The following GPC6 variants were observed in gnomAD, a reference collection of about 807,000 sequenced individuals.
GPC6 encodes glypican-6.
A neutral mutation model predicts 55.2 loss-of-function variants in GPC6; 14 were observed. That is an observed-to-expected ratio of 0.25 (90% confidence interval 0.17 to 0.40). GPC6 has a LOEUF of 0.40. Ranked by LOEUF, GPC6 falls within the 10% of genes least tolerant of loss-of-function variation. GPC6 has a pLI of 1.00. For missense variants in GPC6, 641 were observed against 708.5 expected (o/e 0.90, Z 1.08); for synonymous variants, 278 against 259.6 (o/e 1.07, Z -0.68).
intron 4 of GPC6, among the ~76,000 whole-genome samples, chr13:94,143,793 A>G (rs1428684051): frequency 1.3e-5 from 2 of 152,170 alleles, no homozygotes; most frequent in Non-Finnish European, 2.9e-5. Flanking sequence ...AGATGGGAGA[A>G]TTGCTTGAGC....
intron 3 of GPC6, among the ~76,000 whole-genome samples, chr13:93,984,447 A>G (rs1257798363): frequency 6.6e-6 from 1 of 152,232 alleles, no homozygotes; most frequent in Admixed American, 6.5e-5. Flanking sequence ...GTAAAATAGT[A>G]TCCCAAAAGT....
chr13:93,765,232 T>TTGTCTGGAAAGACAACTTTCCAGCTAAGC (rs1885079614), intron 2 of GPC6, among the ~76,000 whole-genome samples: 1 of 94,736 alleles, frequency 1.1e-5, no homozygotes, highest in Admixed American at 1.1e-4. Flanking sequence ...AAAAGATAAA[T>TTGTCTGGAAAGACAACTTTCCAGCTAAGC]TGTCTGGAAA....
intron 1 of GPC6, chr13:93,395,787 A>T (rs1041192333): frequency 3.3e-5 from 5 of 152,562 alleles, no homozygotes; most frequent in South Asian, 2.1e-4. Flanking sequence ...TCTGATGAAG[A>T]GCTTCTGCAG....
intron 2 of GPC6, among the ~76,000 whole-genome samples, chr13:93,690,090 T>C (rs1327178898): frequency 6.6e-6 from 1 of 152,150 alleles, no homozygotes; most frequent in Non-Finnish European, 1.5e-5. Flanking sequence ...ATGATTGCAC[T>C]TTGAATTAAC....
intron 1 of GPC6, among the ~76,000 whole-genome samples, chr13:93,518,107 T>C (rs1337704970): frequency 6.6e-6 from 1 of 151,940 alleles, no homozygotes; most frequent in Non-Finnish European, 1.5e-5. Flanking sequence ...TTGTTTGGGA[T>C]ACAAAGTTGA....
intron 6 of GPC6, among the ~76,000 whole-genome samples, chr13:94,379,997 A>G (rs1348335613): frequency 2.6e-5 from 4 of 152,186 alleles, no homozygotes; most frequent in African/African-American, 7.2e-5. Flanking sequence ...CGAAGAAGAC[A>G]ACGTTTGAGA....
chr13:93,455,654 G>A (rs1878422770), intron 1 of GPC6, among the ~76,000 whole-genome samples: 1 of 152,082 alleles, frequency 6.6e-6, no homozygotes, highest in South Asian at 2.1e-4. Context: ...AAAAGCCATG[G>A]GGTGTGGGAT....
At chr13:93,805,995 A>G (rs1886532363) in intron 2 of GPC6, among the ~76,000 whole-genome samples, 1 of 152,182 alleles carries the variant, frequency 6.6e-6, no homozygotes, top group Non-Finnish European at 1.5e-5. Context: ...GCTATGCCTT[A>G]GGTCACTGTG....
At chr13:93,717,593 A>G (rs927528969) in intron 2 of GPC6, among the ~76,000 whole-genome samples, 7 of 151,670 alleles carry the variant, frequency 4.6e-5, no homozygotes, top group Admixed American at 4.0e-4. Context: ...CAGTTTATGG[A>G]AAACAACTAT....
chr13:93,683,653 G>T (rs1034455162), intron 2 of GPC6, among the ~76,000 whole-genome samples: 1 of 152,100 alleles, frequency 6.6e-6, no homozygotes, highest in African/African-American at 2.4e-5. Context: ...ACATATATGT[G>T]TGTTTTATTT....
Position 93,897,627 on chromosome 13 carries a change from A to G in GPC6, c.711+67082A>G, listed in dbSNP as rs190581020. On this transcript the variant is annotated intron_variant, in intron 3 of 8. Transcript: ENST00000377047. Reference sequence around the variant, plus strand: ...ACTTAAATATTGAAAGCATACATCCATGTGCCCCAGATATATGACATACCT... The same window carrying G: ...ACTTAAATATTGAAAGCATACATCCGTGTGCCCCAGATATATGACATACCT... 2.7e-3 allele frequency among the ~76,000 whole-genome samples: 406 copies of G among 152,278 alleles called. 3 individuals carry two copies. The highest frequency in any genetic ancestry group is 6.8e-3 in the Middle Eastern group (2 of 294).
intron 4 of GPC6, among the ~76,000 whole-genome samples, chr13:94,126,250 G>A (rs913254927): frequency 1.3e-5 from 2 of 152,094 alleles, no homozygotes; most frequent in Non-Finnish European, 2.9e-5. Flanking sequence ...GGGTGCAGTG[G>A]CACTTGCCTG....
intron 1 of GPC6, among the ~76,000 whole-genome samples, chr13:93,374,727 A>G (rs1376872574): frequency 1.3e-5 from 2 of 152,186 alleles, no homozygotes; most frequent in Non-Finnish European, 2.9e-5. Flanking sequence ...TAATTAAGCA[A>G]TTACTACTAT....
chr13:93,275,664 T>C (rs2139059464), intron 1 of GPC6, among the ~76,000 whole-genome samples: 1 of 152,284 alleles, frequency 6.6e-6, no homozygotes, highest in East Asian at 1.9e-4. Context: ...TTCTCCTGTG[T>C]GTGCATCCTT....
chr13:94,329,408 G>A (rs907610888), intron 6 of GPC6, among the ~76,000 whole-genome samples: 6 of 152,102 alleles, frequency 3.9e-5, no homozygotes, highest in Admixed American at 3.3e-4. Context: ...TCTGTGCCTC[G>A]CAGTACCGTC....
chr13:94,181,121 C>T (rs908350942), intron 4 of GPC6, among the ~76,000 whole-genome samples: 2 of 152,172 alleles, frequency 1.3e-5, no homozygotes, highest in Non-Finnish European at 2.9e-5. Flanking sequence ...ACTCATCAAT[C>T]GTATTTCCCC....
At chr13:93,230,712 G>A (rs572863620) in intron 1 of GPC6, among the ~76,000 whole-genome samples, 1 of 152,116 alleles carries the variant, frequency 6.6e-6, no homozygotes, top group Non-Finnish European at 1.5e-5. Context: ...TCAAAGGTCA[G>A]TGTGAAACAT....
intron 4 of GPC6, among the ~76,000 whole-genome samples, chr13:94,242,095 T>A (rs1035615547): frequency 2.8e-5 from 4 of 145,440 alleles, no homozygotes; most frequent in Non-Finnish European, 6.0e-5. Flanking sequence ...CAGGCCCCGG[T>A]GTGTGATGTT....
chr13:93,691,875 T>C (rs1241975293), intron 2 of GPC6, among the ~76,000 whole-genome samples: 1 of 152,050 alleles, frequency 6.6e-6, no homozygotes, highest in Non-Finnish European at 1.5e-5. Flanking sequence ...TAATCATCAT[T>C]TAGCAAGTTT....
Sources: allele counts gnomAD v4.1 joint callset (sites outside exome capture counted in the v4.1 genomes callset), GRCh38; gene constraint gnomAD v4.1.1; transcripts MANE v1.5; gene names NCBI Gene and HGNC (gene_info 2026-07-23, HGNC 2026-07-21).